Variants in PHF21A observed in about 807,000 individuals in gnomAD.
The protein encoded by PHF21A is PHD finger protein 21A.
PHF21A carries 11 observed loss-of-function variants against 82.5 expected under a neutral mutation model. The observed-to-expected ratio is 0.13, with a 90% CI of 0.08 to 0.22. The LOEUF (loss-of-function observed/expected upper bound fraction) is 0.22. Ranked by LOEUF, PHF21A falls within the 10% of genes least tolerant of loss-of-function variation. The probability of loss-of-function intolerance (pLI) is 1.00; values close to 1 mark genes in which losing one functional copy is unlikely to be tolerated. For synonymous variants in PHF21A, 297 were observed against 302.8 expected (o/e 0.98, Z 0.20); for missense variants, 579 against 837.8 (o/e 0.69, Z 3.81).
chr11:46,067,582 A>C (rs1018285464), intron 6 of PHF21A, among the ~76,000 whole-genome samples: 1 of 118,934 alleles, frequency 8.4e-6, no homozygotes, highest in Admixed American at 1.0e-4. Flanking sequence ...TAATAATAAG[A>C]ATATTCCACC....
At chr11:46,071,333 A>G (rs1202882272) in intron 6 of PHF21A, among the ~76,000 whole-genome samples, 3 of 152,240 alleles carry the variant, frequency 2.0e-5, no homozygotes, top group Admixed American at 2.0e-4. Context: ...CCAAACCTGC[A>G]GCCTGAAAGG....
chr11:46,006,028 T>C (rs2095286319), intron 6 of PHF21A, among the ~76,000 whole-genome samples: 1 of 152,180 alleles, frequency 6.6e-6, no homozygotes, highest in Non-Finnish European at 1.5e-5. Context: ...GCTGGTCTAA[T>C]ATAAAACAGT....
At chr11:46,043,318 G>A (rs1273972387) in intron 6 of PHF21A, among the ~76,000 whole-genome samples, 2 of 152,100 alleles carry the variant, frequency 1.3e-5, no homozygotes, top group African/African-American at 4.8e-5. Flanking sequence ...ATGCAATTGT[G>A]GAATTTGTTC....
At chr11:46,000,340 T>C (rs982250557) in intron 6 of PHF21A, among the ~76,000 whole-genome samples, 1 of 152,210 alleles carries the variant, frequency 6.6e-6, no homozygotes, top group African/African-American at 2.4e-5. Context: ...TTCTTCATAC[T>C]CTACTGAGAG....
intron 6 of PHF21A, among the ~76,000 whole-genome samples, chr11:46,014,516 T>C (rs2095475531): frequency 6.6e-6 from 1 of 152,230 alleles, no homozygotes; most frequent in Non-Finnish European, 1.5e-5. Context: ...TATTTTCCTT[T>C]GGGTATATAT....
intron 6 of PHF21A, among the ~76,000 whole-genome samples, chr11:46,049,867 C>T (rs2096322978): frequency 6.6e-6 from 1 of 152,074 alleles, no homozygotes; most frequent in South Asian, 2.1e-4. Flanking sequence ...TAAGACTATC[C>T]AGCAAACAGT....
chr11:46,029,546 G>C (rs996460672), intron 6 of PHF21A, among the ~76,000 whole-genome samples: 3 of 152,044 alleles, frequency 2.0e-5, no homozygotes, highest in Non-Finnish European at 4.4e-5. Context: ...AAATTAGCTG[G>C]GCGTGGTAGC....
At chr11:45,972,557 C>A (rs536209573) in intron 7 of PHF21A, among the ~76,000 whole-genome samples, 1 of 152,228 alleles carries the variant, frequency 6.6e-6, no homozygotes, top group Non-Finnish European at 1.5e-5. Context: ...GCAGGTGGAT[C>A]GTCTGAGGTC....
At chr11:46,035,233 G>A (rs1437610532) in intron 6 of PHF21A, among the ~76,000 whole-genome samples, 2 of 152,174 alleles carry the variant, frequency 1.3e-5, no homozygotes, top group African/African-American at 4.8e-5. Context: ...GAAGTGGACA[G>A]CCAATTGTTC....
intron 1 of PHF21A, among the ~76,000 whole-genome samples, chr11:46,109,140 T>C (rs1411042306): frequency 6.6e-6 from 1 of 152,242 alleles, no homozygotes; most frequent in Admixed American, 6.5e-5. Context: ...TATAGCATTT[T>C]GGACATTTAA....
chr11:46,075,853 C>T (rs1193348662), intron 6 of PHF21A, among the ~76,000 whole-genome samples: 2 of 152,108 alleles, frequency 1.3e-5, no homozygotes, highest in Admixed American at 6.5e-5. Flanking sequence ...TATTATTTCA[C>T]TAAATAACAT....
intron 17 of PHF21A, 95 bp from the exon 18 acceptor site, chr11:45,935,834 T>C (rs573746492): frequency 2.9e-6 from 2 of 684,076 alleles, no homozygotes; most frequent in African/African-American, 3.6e-5. Flanking sequence ...AGAAGGTATT[T>C]TCCCCAGAGC....
chr11:46,081,526 C>T (rs2096791260), intron 4 of PHF21A, among the ~76,000 whole-genome samples: 1 of 152,188 alleles, frequency 6.6e-6, no homozygotes, highest in Admixed American at 6.5e-5. Context: ...ATGAAGTCTT[C>T]ACCTCTAGAG....
At chr11:46,059,814 C>A (rs1462939252) in intron 6 of PHF21A, among the ~76,000 whole-genome samples, 2 of 152,004 alleles carry the variant, frequency 1.3e-5, no homozygotes, top group African/African-American at 4.8e-5. Context: ...GCAACTTCTG[C>A]CTCCCAGATT....
At chr11:46,113,018 T>C (rs889955090) in intron 1 of PHF21A, among the ~76,000 whole-genome samples, 2 of 152,208 alleles carry the variant, frequency 1.3e-5, no homozygotes, top group Non-Finnish European at 2.9e-5. Context: ...TTGAGCAGCA[T>C]AATAATCATA....
intron 1 of PHF21A, among the ~76,000 whole-genome samples, chr11:46,093,068 T>C (rs2096945663): frequency 6.6e-6 from 1 of 152,210 alleles, no homozygotes; most frequent in Non-Finnish European, 1.5e-5. Context: ...ATCTTACCAC[T>C]TTAGATTGTA....
At chr11:46,032,008 A>G (rs1214276468) in intron 6 of PHF21A, among the ~76,000 whole-genome samples, 1 of 152,204 alleles carries the variant, frequency 6.6e-6, no homozygotes, top group East Asian at 1.9e-4. Context: ...CAGCTTTATT[A>G]GCTGATAATT....
At chr11:45,938,104 GGCC>G in intron 16 of PHF21A, 50 bp downstream of exon 16, 1 of 1,424,624 alleles carries the variant, frequency 7.0e-7, no homozygotes, top group Non-Finnish European at 9.5e-7. Flanking sequence ...TCCTCCTGAT[GGCC>G]GTGTCTTTGT....
At chr11:46,051,179 T>A (rs2096359118) in intron 6 of PHF21A, among the ~76,000 whole-genome samples, 1 of 152,168 alleles carries the variant, frequency 6.6e-6, no homozygotes, top group Non-Finnish European at 1.5e-5. Flanking sequence ...CTTTCAAGTT[T>A]TAATTCTTGA....
Sources: gnomAD v4.1 joint callset for allele counts (sites outside exome capture counted in the v4.1 genomes callset) on GRCh38, gnomAD v4.1.1 for gene constraint, MANE v1.5 for transcripts, NCBI Gene and HGNC (gene_info 2026-07-23, HGNC 2026-07-21) for gene names.